CDH12: variants seen among roughly 807,000 people sequenced by gnomAD.
The protein encoded by CDH12 is cadherin 12.
Under a neutral mutation model 74.1 loss-of-function variants are expected in CDH12, and 41 were observed. The observed-to-expected ratio is 0.55, with a 90% CI of 0.43 to 0.72. The LOEUF (loss-of-function observed/expected upper bound fraction) is 0.72, where lower values mean the gene tolerates loss of function less well. Ranked by LOEUF, CDH12 falls within the 30% of genes least tolerant of loss-of-function variation. CDH12 has a pLI of 0.00. For missense variants in CDH12, 945 were observed against 977.2 expected (o/e 0.97, Z 0.44); for synonymous variants, 399 against 355.0 (o/e 1.12, Z -1.39).
chr5:21,956,577 A>G (rs544793502), intron 6 of CDH12, among the ~76,000 whole-genome samples: 14 of 152,046 alleles, frequency 9.2e-5, no homozygotes, highest in Middle Eastern at 3.4e-3. Flanking sequence ...TGTAAAAGGT[A>G]TTTTTAAAAA....
chr5:22,194,343 TG>T (rs1750499498), intron 4 of CDH12, among the ~76,000 whole-genome samples: 1 of 151,390 alleles, frequency 6.6e-6, no homozygotes, highest in Non-Finnish European at 1.5e-5. Flanking sequence ...TTTTGTTTTT[TG>T]TTTTTGAGAC....
intron 11 of CDH12, among the ~76,000 whole-genome samples, chr5:21,767,064 G>A (rs1745067711): frequency 1.3e-5 from 2 of 151,726 alleles, no homozygotes; most frequent in South Asian, 4.2e-4. Flanking sequence ...CTTACAAAAA[G>A]ACAACTAATT....
At chr5:22,499,562 T>C (rs1435454298) in intron 2 of CDH12, among the ~76,000 whole-genome samples, 1 of 152,152 alleles carries the variant, frequency 6.6e-6, no homozygotes, top group African/African-American at 2.4e-5. Context: ...TATGAGCTTG[T>C]GTCAAAGAAT....
intron 1 of CDH12, among the ~76,000 whole-genome samples, chr5:22,827,600 C>G (rs888500691): frequency 1.3e-5 from 2 of 152,136 alleles, no homozygotes; most frequent in Admixed American, 1.3e-4. Flanking sequence ...GGTAGTCTGC[C>G]CACTGAGGCC....
chr5:22,325,702 C>T (rs531420300), intron 3 of CDH12, among the ~76,000 whole-genome samples: 160 of 152,084 alleles, frequency 1.1e-3, no homozygotes, highest in African/African-American at 3.6e-3. Context: ...CTGGCTAACG[C>T]GGTGAAACCC....
intron 2 of CDH12, among the ~76,000 whole-genome samples, chr5:22,471,401 T>C (rs993299867): frequency 2.6e-5 from 4 of 152,214 alleles, no homozygotes; most frequent in Non-Finnish European, 4.4e-5. Flanking sequence ...ACTCTTACAA[T>C]AGCCTTCCAT....
chr5:22,110,720 C>A (rs1190728139), intron 4 of CDH12, among the ~76,000 whole-genome samples: 2 of 152,138 alleles, frequency 1.3e-5, no homozygotes, highest in Non-Finnish European at 1.5e-5. Context: ...AGTTGCAAAT[C>A]TTGTGACCTT....
In CDH12 at chr5:22,298,509, C is replaced by T. The variant is rs79298162; in HGVS notation, c.-332-85866G>A. ...TTCTACTCTCTTTCAATGATGGATTCTGTAGCAGAAGCTTTGAATGAACTC... is the reference window on the plus strand; with the variant it reads ...TTCTACTCTCTTTCAATGATGGATTTTGTAGCAGAAGCTTTGAATGAACTC... On this transcript the variant is annotated intron_variant, in intron 3 of 14. Coordinates refer to ENST00000382254, the MANE Select transcript of CDH12 (RefSeq NM_004061.5). Among the ~76,000 whole-genome samples, 595 of 151,022 alleles carry T rather than the reference C, an allele frequency of 3.9e-3. 5 individuals are homozygous for T. Among genetic ancestry groups the T allele is most frequent in the African/African-American group, 0.014 (569 of 41,306 alleles).
At chr5:22,326,361 G>A (rs1027448038) in intron 3 of CDH12, among the ~76,000 whole-genome samples, 1 of 151,872 alleles carries the variant, frequency 6.6e-6, no homozygotes. Flanking sequence ...TCAGCCTCCC[G>A]AGTAGCTGGG....
intron 2 of CDH12, among the ~76,000 whole-genome samples, chr5:22,411,093 G>T (rs912831216): frequency 6.6e-6 from 1 of 151,656 alleles, no homozygotes; most frequent in Admixed American, 6.6e-5. Context: ...AGATAAATTG[G>T]TCAGGTATAT....
chr5:22,457,950 G>A (rs1172887524), intron 2 of CDH12, among the ~76,000 whole-genome samples: 2 of 152,022 alleles, frequency 1.3e-5, no homozygotes, highest in African/African-American at 4.8e-5. Flanking sequence ...TCACCACCTT[G>A]GCCAGGCTGG....
chr5:22,343,619 T>C (rs1236875838), intron 3 of CDH12, among the ~76,000 whole-genome samples: 1 of 151,984 alleles, frequency 6.6e-6, no homozygotes, highest in Admixed American at 6.6e-5. Context: ...GGGGTTTCAC[T>C]GTGTTAGCCA....
chr5:21,972,834 T>A (rs1717098916), intron 6 of CDH12, among the ~76,000 whole-genome samples: 1 of 151,904 alleles, frequency 6.6e-6, no homozygotes, highest in African/African-American at 2.4e-5. Context: ...AAATTTAGTA[T>A]AAAAACACTT....
chr5:22,126,467 G>C (rs1192071736), intron 4 of CDH12, among the ~76,000 whole-genome samples: 2 of 152,118 alleles, frequency 1.3e-5, no homozygotes, highest in African/African-American at 4.8e-5. Flanking sequence ...GTCATGAAAG[G>C]CCCTGGTGTA....
chr5:22,462,867 TA>T (rs1745576671), intron 2 of CDH12, among the ~76,000 whole-genome samples: 1 of 152,172 alleles, frequency 6.6e-6, no homozygotes, highest in East Asian at 1.9e-4. Context: ...TAAACACTGT[TA>T]ATTTAGTTAA....
intron 1 of CDH12, among the ~76,000 whole-genome samples, chr5:22,696,949 A>C (rs1742402431): frequency 6.6e-6 from 1 of 151,922 alleles, no homozygotes; most frequent in South Asian, 2.1e-4. Context: ...TGTAATGTTC[A>C]AGAAAAAAAA....
At chr5:21,867,946 G>A (rs990259057) in intron 6 of CDH12, among the ~76,000 whole-genome samples, 1 of 152,136 alleles carries the variant, frequency 6.6e-6, no homozygotes, top group Non-Finnish European at 1.5e-5. Flanking sequence ...GGGAACCAGT[G>A]GGTGGTCATT....
At chr5:21,887,096 AAATT>A (rs1445587805) in intron 6 of CDH12, among the ~76,000 whole-genome samples, 1 of 152,192 alleles carries the variant, frequency 6.6e-6, no homozygotes, top group Non-Finnish European at 1.5e-5. Flanking sequence ...TCACTCATAT[AAATT>A]AATTAAATTC....
At chr5:22,111,651 G>T (rs1360657710) in intron 4 of CDH12, among the ~76,000 whole-genome samples, 3 of 152,058 alleles carry the variant, frequency 2.0e-5, no homozygotes, top group Non-Finnish European at 2.9e-5. Context: ...CCAACACTTT[G>T]CATGGTAATT....
Sources: allele counts gnomAD v4.1 joint callset (sites outside exome capture counted in the v4.1 genomes callset), GRCh38; gene constraint gnomAD v4.1.1; transcripts MANE v1.5; gene names NCBI Gene and HGNC (gene_info 2026-07-23, HGNC 2026-07-21).